The following RGL1 variants were observed in gnomAD, a reference collection of about 807,000 sequenced individuals.
RGL1 encodes ral guanine nucleotide dissociation stimulator like 1.
Under a neutral mutation model 95.2 loss-of-function variants are expected in RGL1, and 24 were observed. The ratio of observed to expected loss-of-function variants is 0.25; its 90% CI spans 0.18 to 0.35. The LOEUF (loss-of-function observed/expected upper bound fraction) is 0.35. RGL1 is among the 10% of genes least tolerant of loss of function. The pLI is 1.00. For missense variants in RGL1, 715 were observed against 936.3 expected (o/e 0.76, Z 3.08); for synonymous variants, 329 against 344.9 (o/e 0.95, Z 0.51).
chr1:183,656,113 C>CTATTTTT (rs1553266934), intron 1 of RGL1, among the ~76,000 whole-genome samples: 1 of 144,972 alleles, frequency 6.9e-6, no homozygotes, highest in Non-Finnish European at 1.5e-5. Flanking sequence ...CTTTTCTTTT[C>CTATTTTT]TTTTTTTTTT....
In RGL1 at chr1:183,816,693, T is replaced by C. The variant is rs189216933; in HGVS notation, c.138+10208T>C. Reference sequence around the variant, plus strand: ...CTGTCATTTAACCTAGAGGCCTTTTTTTCTCTCTGCTCACTACCTAAATGC... The same window carrying C: ...CTGTCATTTAACCTAGAGGCCTTTTCTTCTCTCTGCTCACTACCTAAATGC... On this transcript the variant is annotated intron_variant, in intron 2 of 17. Transcript: ENST00000360851. Among the ~76,000 whole-genome samples, 177 of 152,352 alleles carry C rather than the reference T, an allele frequency of 1.2e-3. 1 individual carries two copies. Among genetic ancestry groups the C allele is most frequent in the African/African-American group, 4.0e-3 (168 of 41,582 alleles).
chr1:183,711,167 A>T (rs931333606), intron 1 of RGL1, among the ~76,000 whole-genome samples: 4 of 152,152 alleles, frequency 2.6e-5, no homozygotes, highest in Admixed American at 6.5e-5. Flanking sequence ...GTGTGCACTC[A>T]GATCCTGGGC....
chr1:183,810,965 C>T (rs2102427332), intron 2 of RGL1, among the ~76,000 whole-genome samples: 1 of 152,288 alleles, frequency 6.6e-6, no homozygotes, highest in South Asian at 2.1e-4. Context: ...CAACCATGGC[C>T]ATCTAGTTGG....
intron 2 of RGL1, among the ~76,000 whole-genome samples, chr1:183,755,709 G>A (rs1405124381): frequency 1.3e-5 from 2 of 152,230 alleles, no homozygotes; most frequent in East Asian, 3.9e-4. Context: ...CGGACAATGG[G>A]ATGAGGGAAT....
chr1:183,777,187 G>A (rs946710458), intron 2 of RGL1, among the ~76,000 whole-genome samples: 7 of 152,148 alleles, frequency 4.6e-5, no homozygotes, highest in African/African-American at 1.7e-4. Context: ...GATAGCCTTT[G>A]GGAAGCTAAC....
intron 1 of RGL1, among the ~76,000 whole-genome samples, chr1:183,717,899 C>T (rs566107655): frequency 2.6e-5 from 4 of 152,272 alleles, no homozygotes; most frequent in South Asian, 4.1e-4. Context: ...TACATCCTCT[C>T]AGGTTGGGGC....
rs113922405 is a variant in RGL1, at chr1:183,702,664, A to T, written c.-32-39462A>T. Reference sequence around the variant, plus strand: ...TGGGGATCCTAGAGCTAGTAGATGGATTGGTGTTATGACTCATGGGGCACA... The same window carrying T: ...TGGGGATCCTAGAGCTAGTAGATGGTTTGGTGTTATGACTCATGGGGCACA... On this transcript the variant is annotated intron_variant, in intron 1 of 18. Coordinates refer to the RGL1 transcript ENST00000304685. Among the ~76,000 whole-genome samples the T allele has an allele frequency of 3.9e-3, 600 of 152,252 alleles. 5 individuals are homozygous for T. Among genetic ancestry groups the T allele is most frequent in the African/African-American group, 0.014 (569 of 41,538 alleles).
At chr1:183,786,556 G>A (rs1450865146) in intron 2 of RGL1, among the ~76,000 whole-genome samples, 1 of 152,168 alleles carries the variant, frequency 6.6e-6, no homozygotes, top group Non-Finnish European at 1.5e-5. Context: ...CCCTTTGAGT[G>A]TCACATTGGC....
chr1:183,746,990 T>C (rs1391756734), intron 2 of RGL1, among the ~76,000 whole-genome samples: 2 of 152,170 alleles, frequency 1.3e-5, no homozygotes, highest in Non-Finnish European at 2.9e-5. Flanking sequence ...GAACTCATCT[T>C]TTTTTTATGG....
chr1:183,798,773 A>G (rs1169509328), intron 2 of RGL1, among the ~76,000 whole-genome samples: 1 of 149,446 alleles, frequency 6.7e-6, no homozygotes, highest in Non-Finnish European at 1.5e-5. Context: ...CGACTATTTT[A>G]GATTCCACAT....
chr1:183,669,188 TG>T, intron 1 of RGL1, among the ~76,000 whole-genome samples: 1 of 152,100 alleles, frequency 6.6e-6, no homozygotes, highest in Non-Finnish European at 1.5e-5. Flanking sequence ...GTGATCCACC[TG>T]CCTTGGCCTC....
intron 2 of RGL1, among the ~76,000 whole-genome samples, chr1:183,831,146 G>A (rs985204241): frequency 1.3e-5 from 2 of 152,184 alleles, no homozygotes; most frequent in Admixed American, 1.3e-4. Flanking sequence ...TGTGGCAGGG[G>A]AAGATGGGAA....
At chr1:183,861,560 G>T (rs919900885) in intron 3 of RGL1, among the ~76,000 whole-genome samples, 1 of 152,076 alleles carries the variant, frequency 6.6e-6, no homozygotes, top group Non-Finnish European at 1.5e-5. Context: ...GTAAATAATT[G>T]CTTAAGGCTG....
intron 1 of RGL1, among the ~76,000 whole-genome samples, chr1:183,704,225 C>G (rs531060991): frequency 1.2e-3 from 180 of 152,240 alleles, no homozygotes; most frequent in African/African-American, 4.3e-3. Flanking sequence ...TCTGTGGGAG[C>G]CTGGCAGCTT....
rs1381209225 is a variant in RGL1 at position 183,892,107 on chromosome 1, A to G, written c.1086A>G (p.Ser362=). 5 of 1,612,912 alleles carry G rather than the reference A, an allele frequency of 3.1e-6. No individual in the cohort carries two copies. The highest frequency in any genetic ancestry group is 4.2e-6 in the Non-Finnish European group (5 of 1,179,304). ...GAATGCTGATGTTTGAAGAACTTTC[A>G]GATATCTTCTCAGACCATAATAACC... ...RDRMLMFEEL[S]DIFSDHNNHL... is the part of the protein sequence containing the mutation. Residue 362 remains serine (S), a synonymous_variant, in exon 9 of 18, where the codon TCA becomes TCG. Transcript: ENST00000360851.
rs148981091 is a variant in RGL1, at chr1:183,671,121, T to C, written c.-33+34620T>C. On this transcript the variant is annotated intron_variant, in intron 1 of 18. Coordinates refer to the RGL1 transcript ENST00000304685. ...GAGCCCCTTATAAAACCATCAGATCTTGTGAGAATTCACCCACTATCATGA... is the reference window on the plus strand; with the variant it reads ...GAGCCCCTTATAAAACCATCAGATCCTGTGAGAATTCACCCACTATCATGA... 8.6e-3 allele frequency among the ~76,000 whole-genome samples: 1,314 copies of C among 152,296 alleles called. 10 individuals carry two copies. Among genetic ancestry groups the C allele is most frequent in the Admixed American group, 0.019 (297 of 15,302 alleles).
intron 3 of RGL1, among the ~76,000 whole-genome samples, chr1:183,849,482 A>AATTTTTTTTTTTTTTTTTTTTTTTTTTTT (rs150367802): frequency 1.0e-5 from 1 of 99,358 alleles, no homozygotes. Context: ...TCCAGTTTTT[A>AATTTTTTTTTTTTTTTTTTTTTTTTTTTT]GTTTTTTTTT....
intron 2 of RGL1, among the ~76,000 whole-genome samples, chr1:183,742,595 G>A (rs974444155): frequency 2.0e-5 from 3 of 152,110 alleles, no homozygotes; most frequent in African/African-American, 4.8e-5. Context: ...TGGGTATCCC[G>A]CTAGCTACAT....
intron 1 of RGL1, among the ~76,000 whole-genome samples, chr1:183,707,113 G>A (rs1280512640): frequency 2.0e-5 from 3 of 152,264 alleles, no homozygotes; most frequent in Non-Finnish European, 4.4e-5. Context: ...TGATGGCGGC[G>A]TCCAGGGGCC....
Sources: gnomAD v4.1 joint callset for allele counts (sites outside exome capture counted in the v4.1 genomes callset) on GRCh38, gnomAD v4.1.1 for gene constraint, MANE v1.5 for transcripts, NCBI Gene and HGNC (gene_info 2026-07-23, HGNC 2026-07-21) for gene names.